Variants in IGFL2 observed in about 807,000 individuals in gnomAD.
The protein encoded by IGFL2 is IGF like family member 2.
In IGFL2, 7 loss-of-function variants were observed where a neutral mutation model predicts 13.9. The observed-to-expected ratio is 0.51, with a 90% CI of 0.29 to 0.95. The LOEUF (loss-of-function observed/expected upper bound fraction) is 0.95, where lower values mean the gene tolerates loss of function less well. Ranked by LOEUF, IGFL2 falls within the 40% of genes least tolerant of loss-of-function variation. The pLI is 0.08. For missense variants in IGFL2, 138 were observed against 147.8 expected, an observed-to-expected ratio of 0.93 and a Z score of 0.34; for synonymous variants, 55 against 55.8, an observed-to-expected ratio of 0.99 and a Z score of 0.07.
chr19:46,160,492 T>G lies in IGFL2; in HGVS notation c.73+24T>G, dbSNP rs762523677. 27 of 1,613,134 alleles carry G rather than the reference T, an allele frequency of 1.7e-5. No individual in the cohort carries two copies. The African/African-American group carries it at 3.5e-4, about 21-fold the overall frequency. On this transcript the variant is annotated intron_variant, in intron 2 of 3. Coordinates refer to ENST00000377693, the MANE Select transcript of IGFL2 (RefSeq NM_001135113.2). ...CGGTGAGTACAAGGATGGGCAAGAG[T>G]GAAGAGGAAGGAGGCTGACTTTGGA... is the stretch of plus-strand genomic sequence containing the variant.
chr19:46,100,082 A>G, the IGFL2 span, among the ~76,000 whole-genome samples: 1 of 152,094 alleles, frequency 6.6e-6, no homozygotes, highest in Admixed American at 6.6e-5. Context: ...CCTTTAGCTT[A>G]GCAAAGTTTA....
At chr19:46,091,018 A>G in the IGFL2 span, among the ~76,000 whole-genome samples, 1 of 152,192 alleles carries the variant, frequency 6.6e-6, no homozygotes, top group Non-Finnish European at 1.5e-5. Flanking sequence ...TTTGGGTGAC[A>G]TAAAATTGTT....
At chr19:46,080,396 A>T in the IGFL2 span, among the ~76,000 whole-genome samples, 5 of 151,204 alleles carry the variant, frequency 3.3e-5, no homozygotes, top group Admixed American at 6.6e-5. Context: ...ATTTTTTAAA[A>T]TAAAAAAAAG....
At chr19:46,176,972 G>A in the IGFL2 span, among the ~76,000 whole-genome samples, 6 of 152,262 alleles carry the variant, frequency 3.9e-5, no homozygotes, top group Middle Eastern at 3.4e-3. Context: ...CTAAGCACAC[G>A]CATTACCCTA....
chr19:46,136,882 T>A, the IGFL2 span: 1 of 770,612 alleles, frequency 1.3e-6, no homozygotes. Flanking sequence ...CTACTCTGTG[T>A]ATTGGTACTT....
the IGFL2 span, chr19:46,212,319 C>G: frequency 2.0e-5 from 3 of 152,386 alleles, no homozygotes; most frequent in Admixed American, 2.0e-4. Context: ...GAGAGAAGCC[C>G]CTGTCCATGC....
rs1390294634 is a variant in IGFL2 at position 46,149,217 on chromosome 19, T to TCTCTCTCC, written c.19+922_19+923insCTCTCCCT. Among the ~76,000 whole-genome samples, 90 of 149,864 alleles carry TCTCTCTCC rather than the reference T, an allele frequency of 6.0e-4. 1 individual carries two copies. The Middle Eastern group carries it at 0.01, about 17-fold the overall frequency. ...CTCTCCCTCTCTTTCTCTCTCCCTC[T>TCTCTCTCC]CTTTTCTCTCTCTCCCTTTTCTCTC... On this transcript the variant is annotated intron_variant, in intron 1 of 3. Transcript: ENST00000377693.
the IGFL2 span, among the ~76,000 whole-genome samples, chr19:46,115,575 A>AACCTCAGCCTGATTCAGATTC: frequency 6.6e-5 from 10 of 152,168 alleles, no homozygotes; most frequent in East Asian, 1.6e-3. Flanking sequence ...CAACCCCAGA[A>AACCTCAGCCTGATTCAGATTC]ACCTCAGCCT....
the IGFL2 span, among the ~76,000 whole-genome samples, chr19:46,129,179 G>A: frequency 6.6e-6 from 1 of 152,176 alleles, no homozygotes; most frequent in South Asian, 2.1e-4. Flanking sequence ...TGGGGTTAGT[G>A]ATAATATCCC....
intron 1 of IGFL2, among the ~76,000 whole-genome samples, chr19:46,155,370 T>TA (rs1973763377): frequency 6.6e-6 from 1 of 152,146 alleles, no homozygotes; most frequent in South Asian, 2.1e-4. Flanking sequence ...GAGCTTCAAT[T>TA]ACACAGAGTT....
chr19:46,140,767 A>G (rs1302994376), upstream of IGFL2, among the ~76,000 whole-genome samples: 1 of 152,174 alleles, frequency 6.6e-6, no homozygotes, highest in Non-Finnish European at 1.5e-5. Flanking sequence ...GAAAACATGA[A>G]GTCTAATGAA....
At chr19:46,174,147 C>T in the IGFL2 span, 3 of 152,228 alleles carry the variant, frequency 2.0e-5, no homozygotes, top group African/African-American at 2.4e-5. Context: ...ACAGACCCAC[C>T]TTTTCCTCAC....
At chr19:46,167,885 G>A in the IGFL2 span, among the ~76,000 whole-genome samples, 5 of 152,256 alleles carry the variant, frequency 3.3e-5, no homozygotes, top group South Asian at 1.0e-3. Flanking sequence ...CAACAGAAAC[G>A]GCATTGACCA....
the IGFL2 span, among the ~76,000 whole-genome samples, chr19:46,112,774 A>G: frequency 6.6e-6 from 1 of 152,218 alleles, no homozygotes. Context: ...GAATCATCAC[A>G]TTCTGGATGT....
chr19:46,093,292 CTT>C, the IGFL2 span, among the ~76,000 whole-genome samples: 3 of 152,128 alleles, frequency 2.0e-5, no homozygotes, highest in African/African-American at 7.2e-5. Flanking sequence ...AAATATAAAA[CTT>C]AAGACATTAA....
chr19:46,106,281 C>T, the IGFL2 span, among the ~76,000 whole-genome samples: 91 of 152,086 alleles, frequency 6.0e-4, 2 homozygotes, highest in African/African-American at 2.1e-3. Flanking sequence ...AGGAGGGTGC[C>T]CTGTTGGGAA....
chr19:46,111,203 G>A, the IGFL2 span: 1 of 152,590 alleles, frequency 6.6e-6, no homozygotes, highest in Non-Finnish European at 1.5e-5. Context: ...CACTTGAATT[G>A]TTAAATTGTT....
chr19:46,138,138 T>G (rs572682742), upstream of IGFL2, among the ~76,000 whole-genome samples: 1 of 152,214 alleles, frequency 6.6e-6, no homozygotes, highest in Non-Finnish European at 1.5e-5. Flanking sequence ...TTTTTTCTCA[T>G]CTGTGTGGGC....
At chr19:46,205,440 A>G in the IGFL2 span, among the ~76,000 whole-genome samples, 1 of 152,214 alleles carries the variant, frequency 6.6e-6, no homozygotes, top group Non-Finnish European at 1.5e-5. Context: ...GTCCATTTGC[A>G]TAATAAGATT....
Sources: gnomAD v4.1 joint callset for allele counts (sites outside exome capture counted in the v4.1 genomes callset) on GRCh38, gnomAD v4.1.1 for gene constraint, MANE v1.5 for transcripts, NCBI Gene and HGNC (gene_info 2026-07-23, HGNC 2026-07-21) for gene names.